The following TUSC3 variants were observed in gnomAD, a reference collection of about 807,000 sequenced individuals.
TUSC3 encodes dolichyl-diphosphooligosaccharide--protein glycosyltransferase subunit TUSC3.
In TUSC3, 45 loss-of-function variants were observed where a neutral mutation model predicts 44.8. That is an observed-to-expected ratio of 1.00 (90% CI 0.79 to 1.29). The LOEUF (loss-of-function observed/expected upper bound fraction) is 1.29, where lower values mean the gene tolerates loss of function less well. TUSC3 is among the 50% of genes most tolerant of loss of function. TUSC3 has a pLI of 0.00. For missense variants in TUSC3, 519 were observed against 437.9 expected (o/e 1.19, Z -1.65); for synonymous variants, 212 against 152.9 (o/e 1.39, Z -2.85).
At chr8:15,757,941 T>C (rs537322629) in intron 10 of TUSC3, 86 bp downstream of exon 10, 222 of 1,494,456 alleles carry the variant, frequency 1.5e-4, no homozygotes, top group Admixed American at 3.4e-4. Flanking sequence ...AGACAAGTTG[T>C]AGTAAATTAC....
chr8:15,421,658 G>C (rs1479177556), intron 1 of TUSC3, among the ~76,000 whole-genome samples: 9 of 152,048 alleles, frequency 5.9e-5, no homozygotes, highest in Admixed American at 5.9e-4. Flanking sequence ...GTCCACTAAT[G>C]GGACAGTGGG....
chr8:15,796,559 C>T, the TUSC3 span, among the ~76,000 whole-genome samples: 1 of 152,206 alleles, frequency 6.6e-6, no homozygotes, highest in South Asian at 2.1e-4. Context: ...GATTCAACAG[C>T]CCCAGCAGCC....
the TUSC3 span, among the ~76,000 whole-genome samples, chr8:15,835,671 A>G: frequency 2.0e-5 from 3 of 152,112 alleles, no homozygotes; most frequent in Admixed American, 1.3e-4. Context: ...ATATGGTAAA[A>G]TATTTTTGGA....
intron 8 of TUSC3, 21 bp from the exon 9 acceptor site, chr8:15,748,354 G>GTATTTTCTGTCTGTTTCTAGTAA: frequency 1.3e-6 from 2 of 1,563,828 alleles, no homozygotes; most frequent in East Asian, 4.5e-5. Flanking sequence ...GACACTAATG[G>GTATTTTCTGTCTGTTTCTAGTAA]TATTTTCTGT....
chr8:15,571,284 A>G (rs968059400), intron 1 of TUSC3, among the ~76,000 whole-genome samples: 3 of 152,028 alleles, frequency 2.0e-5, no homozygotes, highest in African/African-American at 7.2e-5. Flanking sequence ...AAATTGTTTT[A>G]TACTTTCAAT....
intron 7 of TUSC3, among the ~76,000 whole-genome samples, chr8:15,734,286 C>T (rs1018387000): frequency 2.0e-5 from 3 of 151,932 alleles, no homozygotes; most frequent in Non-Finnish European, 4.4e-5. Flanking sequence ...CAAAGTTTTG[C>T]TGAAAAAATC....
downstream of TUSC3, among the ~76,000 whole-genome samples, chr8:15,769,418 A>G (rs536908770): frequency 5.9e-5 from 9 of 152,316 alleles, no homozygotes; most frequent in Middle Eastern, 3.4e-3. Flanking sequence ...ACCGTACACA[A>G]AAATTAACTC....
chr8:15,475,807 A>C (rs752093943), intron 1 of TUSC3, among the ~76,000 whole-genome samples: 1 of 152,168 alleles, frequency 6.6e-6, no homozygotes, highest in East Asian at 1.9e-4. Context: ...CATTAATAGG[A>C]TGTAGGCACT....
At chr8:15,820,530 G>C in the TUSC3 span, among the ~76,000 whole-genome samples, 1 of 152,046 alleles carries the variant, frequency 6.6e-6, no homozygotes, top group East Asian at 1.9e-4. Context: ...ATCTTGGCCA[G>C]GATGGTCTCG....
At chr8:15,613,219 C>G (rs1336620274) in intron 1 of TUSC3, among the ~76,000 whole-genome samples, 1 of 145,998 alleles carries the variant, frequency 6.8e-6, no homozygotes, top group Non-Finnish European at 1.5e-5. Context: ...ATTCATGTAA[C>G]ATGTCTTACA....
intron 2 of TUSC3, among the ~76,000 whole-genome samples, chr8:15,486,026 T>C (rs770216161): frequency 7.2e-5 from 11 of 152,144 alleles, no homozygotes; most frequent in Non-Finnish European, 1.6e-4. Context: ...ACTCCTGACC[T>C]TAAGTGATCC....
chr8:15,723,518 A>G (rs1337096028), intron 6 of TUSC3, among the ~76,000 whole-genome samples: 3 of 152,110 alleles, frequency 2.0e-5, no homozygotes, highest in Non-Finnish European at 4.4e-5. Context: ...TGTAGATAAT[A>G]CCTCTTTATA....
At chr8:15,654,982 A>G (rs1227688502) in intron 3 of TUSC3, among the ~76,000 whole-genome samples, 1 of 152,052 alleles carries the variant, frequency 6.6e-6, no homozygotes, top group Non-Finnish European at 1.5e-5. Flanking sequence ...CTCATCTGTA[A>G]GAGAGGGAAA....
At chr8:15,428,997 G>T (rs1400147565) in intron 1 of TUSC3, among the ~76,000 whole-genome samples, 4 of 152,144 alleles carry the variant, frequency 2.6e-5, no homozygotes, top group African/African-American at 9.7e-5. Flanking sequence ...TGTCAATTTT[G>T]ACTTCTGTTG....
At chr8:15,692,755 T>A (rs1808974991) in intron 6 of TUSC3, among the ~76,000 whole-genome samples, 1 of 151,952 alleles carries the variant, frequency 6.6e-6, no homozygotes, top group Non-Finnish European at 1.5e-5. Context: ...ATTTTAGTAG[T>A]CTAGCTAGTG....
chr8:15,593,217 C>G (rs1225560121), intron 1 of TUSC3, among the ~76,000 whole-genome samples: 9 of 152,060 alleles, frequency 5.9e-5, no homozygotes, highest in Admixed American at 5.2e-4. Flanking sequence ...TCCTGAGTAG[C>G]TGGGATTATT....
intron 2 of TUSC3, among the ~76,000 whole-genome samples, chr8:15,504,649 G>GTTT (rs11434967): frequency 1.5e-5 from 1 of 68,562 alleles, no homozygotes; most frequent in Admixed American, 2.2e-4. Context: ...TTTTAAGTGG[G>GTTT]TTTTTTTTTG....
At chr8:15,609,663 T>A (rs1387780963) in intron 1 of TUSC3, among the ~76,000 whole-genome samples, 1 of 152,090 alleles carries the variant, frequency 6.6e-6, no homozygotes, top group Non-Finnish European at 1.5e-5. Context: ...AGTATCATGA[T>A]TCCCATTATA....
chr8:15,488,025 G>A (rs1270039403), intron 2 of TUSC3, among the ~76,000 whole-genome samples: 1 of 151,260 alleles, frequency 6.6e-6, no homozygotes, highest in Non-Finnish European at 1.5e-5. Context: ...TCTCCAAAAA[G>A]TCAATTTTCT....
Sources: allele counts gnomAD v4.1 joint callset (sites outside exome capture counted in the v4.1 genomes callset), GRCh38; gene constraint gnomAD v4.1.1; transcripts MANE v1.5; gene names NCBI Gene and HGNC (gene_info 2026-07-23, HGNC 2026-07-21).